The following TIMM23 variants were observed in gnomAD, a reference collection of about 807,000 sequenced individuals.
The protein encoded by TIMM23 is translocase of inner mitochondrial membrane 23, also known as mitochondrial import inner membrane translocase subunit Tim23.
A neutral mutation model predicts 30.7 loss-of-function variants in TIMM23; 19 were observed. The observed-to-expected ratio is 0.62, with a 90% CI of 0.43 to 0.91. The LOEUF (loss-of-function observed/expected upper bound fraction) is 0.91. Among genes scored for constraint, TIMM23 ranks in the 40% least tolerant of loss-of-function variants. TIMM23 has a pLI of 0.00. For missense variants in TIMM23, 202 were observed against 269.2 expected (o/e 0.75, Z 1.75); for synonymous variants, 78 against 98.5 (o/e 0.79, Z 1.23).
chr10:45,976,935 A>G (rs1554913224), intron 2 of TIMM23, among the ~76,000 whole-genome samples: 1 of 152,258 alleles, frequency 6.6e-6, no homozygotes, highest in Non-Finnish European at 1.5e-5. Flanking sequence ...TGCAGAATAC[A>G]AGTTCAATAT....
At chr10:45,983,012 A>T (rs1351712892) in intron 4 of TIMM23, 82 bp downstream of exon 4, 13 of 1,573,728 alleles carry the variant, frequency 8.3e-6, no homozygotes, top group African/African-American at 4.1e-5. Flanking sequence ...CAACCTTGAG[A>T]TTACAGATGG....
chr10:45,992,706 C>T (rs1213782087), intron 6 of TIMM23: 1 of 358,372 alleles, frequency 2.8e-6, no homozygotes. Flanking sequence ...TACAGATGCC[C>T]GCCACCACGC....
intron 2 of TIMM23, among the ~76,000 whole-genome samples, chr10:45,975,857 A>G (rs1554912992): frequency 6.6e-6 from 1 of 152,266 alleles, no homozygotes; most frequent in Non-Finnish European, 1.5e-5. Context: ...GCTGGAGTGC[A>G]GTAGCGCGAT....
chr10:45,972,877 A>G lies in TIMM23; in HGVS notation c.106+147A>G, dbSNP rs1200100553. 1.4e-4 allele frequency: 206 copies of G among 1,439,012 alleles called. 1 individual carries two copies. The highest frequency in any genetic ancestry group is 1.5e-4 in the Non-Finnish European group (162 of 1,077,506). 89.1% of individuals were successfully genotyped at this position (1,439,012 alleles called of 1,614,324 possible). A position where few individuals can be genotyped will look rare whatever the true frequency, so the allele number is the denominator to read the frequency against. On this transcript the variant is annotated intron_variant, in intron 1 of 6. Coordinates refer to ENST00000580018, the MANE Select transcript of TIMM23 (RefSeq NM_006327.4). ...CCAGTGGTGGGGTTAGTGTATCTGC[A>G]TGGCTGCTCTTTCAAGATAGAAAGG...
At chr10:45,997,764 C>G (rs933941978) in intron 6 of TIMM23, among the ~76,000 whole-genome samples, 6 of 152,076 alleles carry the variant, frequency 3.9e-5, no homozygotes, top group African/African-American at 1.4e-4. Context: ...TTTACCAAAC[C>G]ACTGCACTCC....
At chr10:46,000,051 C>G (rs1429315074) in intron 6 of TIMM23, among the ~76,000 whole-genome samples, 1 of 152,112 alleles carries the variant, frequency 6.6e-6, no homozygotes, top group Admixed American at 6.6e-5. Context: ...GTACCCTGTT[C>G]TTTTTTCAAG....
At chr10:45,974,599 T>C (rs1554912603) in intron 1 of TIMM23, among the ~76,000 whole-genome samples, 1 of 152,210 alleles carries the variant, frequency 6.6e-6, no homozygotes, top group African/African-American at 2.4e-5. Flanking sequence ...TTCGATTTTC[T>C]TAAGACAAAT....
intron 6 of TIMM23, among the ~76,000 whole-genome samples, chr10:45,995,276 A>G (rs1197043538): frequency 6.6e-6 from 1 of 152,050 alleles, no homozygotes; most frequent in Non-Finnish European, 1.5e-5. Flanking sequence ...TCTTTTGATA[A>G]TATCAAATAT....
chr10:45,972,925 C>G (rs1837539037), intron 1 of TIMM23, among the ~76,000 whole-genome samples, 195 bp downstream of exon 1: 1 of 152,010 alleles, frequency 6.6e-6, no homozygotes, highest in African/African-American at 2.4e-5. Flanking sequence ...CCACGGATCT[C>G]CTGGGGAAGC....
chr10:45,982,520 T>C lies in TIMM23; in HGVS notation c.166-3T>C. 4 of 1,613,660 alleles carry C rather than the reference T, an allele frequency of 2.5e-6. No homozygotes were observed. Among genetic ancestry groups the C allele is most frequent in the South Asian group, 1.1e-5 (1 of 91,080 alleles). On this transcript the variant is annotated splice_region_variant and splice_polypyrimidine_tract_variant and intron_variant, in intron 2 of 6. Transcript: ENST00000580018. ...AGCTTGGTTTTCATTATTATCCTTTTAGGATACAGATGAGTTTATTTTACC... is the reference window on the plus strand; with the variant it reads ...AGCTTGGTTTTCATTATTATCCTTTCAGGATACAGATGAGTTTATTTTACC...
chr10:46,000,434 G>A (rs1554917497), intron 6 of TIMM23, among the ~76,000 whole-genome samples: 1 of 152,184 alleles, frequency 6.6e-6, no homozygotes, highest in African/African-American at 2.4e-5. Flanking sequence ...TGCCCACGCT[G>A]GTCTTGAACT....
chr10:45,988,704 T>C, intron 5 of TIMM23, 33 bp from the exon 6 acceptor site: 1 of 1,603,110 alleles, frequency 6.2e-7, no homozygotes, highest in Non-Finnish European at 8.5e-7. Context: ...TTTATCACTG[T>C]TTTGTCACTG....
chr10:45,983,669 C>T (rs1837914917), intron 4 of TIMM23, among the ~76,000 whole-genome samples: 1 of 152,190 alleles, frequency 6.6e-6, no homozygotes, highest in Non-Finnish European at 1.5e-5. Flanking sequence ...ACTCCATCTT[C>T]CTTTCATATT....
chr10:45,975,282 GA>G (rs1218880456), intron 1 of TIMM23, among the ~76,000 whole-genome samples, 171 bp from the exon 2 acceptor site: 3 of 152,070 alleles, frequency 2.0e-5, no homozygotes, highest in African/African-American at 7.3e-5. Context: ...AGGGTCTCAG[GA>G]TGAGTCAGCC....
intron 6 of TIMM23, among the ~76,000 whole-genome samples, chr10:45,995,802 T>C (rs1218439914): frequency 2.4e-5 from 3 of 122,890 alleles, no homozygotes; most frequent in Non-Finnish European, 5.1e-5. Context: ...ACGGATAAAG[T>C]TTGAAATGCA....
chr10:45,985,358 A>G, intron 4 of TIMM23, 25 bp from the exon 5 acceptor site: 4 of 1,612,804 alleles, frequency 2.5e-6, no homozygotes, highest in South Asian at 2.2e-5. Context: ...CTAAATACAG[A>G]TTCTTTCTCT....
chr10:45,979,284 A>G (rs1182564900), intron 2 of TIMM23, among the ~76,000 whole-genome samples: 4 of 152,188 alleles, frequency 2.6e-5, no homozygotes, highest in Non-Finnish European at 5.9e-5. Context: ...CATGAGATAC[A>G]GATCAGTAAC....
intron 1 of TIMM23, among the ~76,000 whole-genome samples, chr10:45,974,294 C>G (rs1471613410): frequency 2.0e-5 from 3 of 151,980 alleles, no homozygotes; most frequent in Non-Finnish European, 2.9e-5. Flanking sequence ...AAAGCAGAGT[C>G]TTGAGATTGT....
At chr10:46,002,196 T>C (rs1358371549) in intron 6 of TIMM23, among the ~76,000 whole-genome samples, 1 of 151,994 alleles carries the variant, frequency 6.6e-6, no homozygotes, top group African/African-American at 2.4e-5. Context: ...CACATTTTTT[T>C]TTTCTTTCTC....
Sources: gnomAD v4.1 joint callset for allele counts (sites outside exome capture counted in the v4.1 genomes callset) on GRCh38, gnomAD v4.1.1 for gene constraint, MANE v1.5 for transcripts, NCBI Gene and HGNC (gene_info 2026-07-23, HGNC 2026-07-21) for gene names.